MALL: variants seen among roughly 807,000 people sequenced by gnomAD.
MALL encodes MAL-like protein.
Under a neutral mutation model 10.3 loss-of-function variants are expected in MALL, and 2 were observed. The observed-to-expected ratio is 0.19, with a 90% confidence interval of 0.08 to 0.61. The LOEUF (loss-of-function observed/expected upper bound fraction) is 0.61, where lower values mean the gene tolerates loss of function less well. MALL is among the 20% of genes least tolerant of loss of function. The probability of loss-of-function intolerance (pLI) is 0.88; values close to 1 mark genes in which losing one functional copy is unlikely to be tolerated. For synonymous variants in MALL, 27 were observed against 51.8 expected (o/e 0.52, Z 2.05); for missense variants, 39 against 115.2 (o/e 0.34, Z 3.03).
intron 1 of MALL, among the ~76,000 whole-genome samples, chr2:110,098,992 C>A (rs1481662559): frequency 4.7e-5 from 7 of 148,296 alleles, no homozygotes; most frequent in Non-Finnish European, 4.5e-5. Context: ...GACCCTGTCT[C>A]AAAAAAAAAA....
intron 1 of MALL, among the ~76,000 whole-genome samples, chr2:110,096,278 T>C (rs1022080101): frequency 3.3e-5 from 5 of 152,272 alleles, no homozygotes; most frequent in African/African-American, 1.2e-4. Flanking sequence ...TCTCTGCTTC[T>C]ACTCTCACCT....
intron 1 of MALL, 101 bp downstream of exon 1, chr2:110,115,587 C>T: frequency 4.0e-6 from 2 of 505,656 alleles, no homozygotes; most frequent in Middle Eastern, 5.3e-4. Flanking sequence ...TCTCTCTTCT[C>T]GGTCCGGTCT....
At chr2:110,107,559 C>T (rs1678722309) in intron 1 of MALL, among the ~76,000 whole-genome samples, 2 of 152,150 alleles carry the variant, frequency 1.3e-5, no homozygotes, top group South Asian at 2.1e-4. Context: ...AGAGTCTGAG[C>T]TCATACATGC....
upstream of MALL, among the ~76,000 whole-genome samples, chr2:110,117,935 G>A (rs1346377404): frequency 6.6e-6 from 1 of 152,130 alleles, no homozygotes; most frequent in Non-Finnish European, 1.5e-5. Context: ...GTCTTTGTCT[G>A]CATCCTGTGT....
At chr2:110,109,202 T>A (rs902541361) in intron 1 of MALL, among the ~76,000 whole-genome samples, 1 of 152,164 alleles carries the variant, frequency 6.6e-6, no homozygotes, top group African/African-American at 2.4e-5. Flanking sequence ...GTACCTCACA[T>A]TCCAATACTA....
intron 1 of MALL, among the ~76,000 whole-genome samples, chr2:110,106,996 T>G (rs1196781021): frequency 6.6e-6 from 1 of 150,822 alleles, no homozygotes; most frequent in African/African-American, 2.4e-5. Context: ...TTCATGTATT[T>G]ATATAACTTT....
At chr2:110,111,696 A>G (rs1678805358) in intron 1 of MALL, among the ~76,000 whole-genome samples, 1 of 152,086 alleles carries the variant, frequency 6.6e-6, no homozygotes, top group African/African-American at 2.4e-5. Flanking sequence ...CCCCATCAGA[A>G]TACCACCATC....
At chr2:110,100,220 T>C (rs1350883098) in intron 1 of MALL, among the ~76,000 whole-genome samples, 1 of 152,134 alleles carries the variant, frequency 6.6e-6, no homozygotes, top group Non-Finnish European at 1.5e-5. Flanking sequence ...GGCTCACACC[T>C]GTAATCCCAG....
upstream of MALL, among the ~76,000 whole-genome samples, chr2:110,116,734 G>T (rs1033696575): frequency 5.3e-5 from 8 of 152,168 alleles, no homozygotes; most frequent in African/African-American, 1.9e-4. Context: ...AGTCCCAAAG[G>T]CTGAACCATT....
rs1678873255 is a variant in MALL, at chr2:110,114,757, C to A, written c.105+931G>T. Reference sequence around the variant, plus strand: ...AAAGTAGATGCACTTTCTATCTTTTCCCCCCTGCTCAGGGACAGCACTGCC... The same window carrying A: ...AAAGTAGATGCACTTTCTATCTTTTACCCCCTGCTCAGGGACAGCACTGCC... On this transcript the variant is annotated intron_variant, in intron 1 of 3. Coordinates refer to ENST00000272462, the MANE Select transcript of MALL (RefSeq NM_005434.5). Among the ~76,000 whole-genome samples, 3 of 151,518 alleles carry A rather than the reference C, an allele frequency of 2.0e-5. No individual in the cohort carries two copies. In the South Asian group the frequency reaches 6.3e-4, roughly 32 times the overall value.
intron 1 of MALL, among the ~76,000 whole-genome samples, chr2:110,109,415 T>C (rs762091481): frequency 1.3e-5 from 2 of 152,042 alleles, no homozygotes; most frequent in Non-Finnish European, 2.9e-5. Context: ...TTATATCAGA[T>C]AAAACAAACT....
intron 1 of MALL, among the ~76,000 whole-genome samples, chr2:110,108,857 A>G (rs926645431): frequency 2.0e-5 from 3 of 151,916 alleles, no homozygotes; most frequent in African/African-American, 7.3e-5. Flanking sequence ...CAGAAACCCT[A>G]CAACCTAGAA....
chr2:110,092,760 T>C (rs1294648544), intron 1 of MALL, among the ~76,000 whole-genome samples: 4 of 128,246 alleles, frequency 3.1e-5, no homozygotes, highest in Admixed American at 1.6e-4. Context: ...CTATTTTGAG[T>C]CATGAAGATA....
chr2:110,113,772 G>A (rs1678854516), intron 1 of MALL, among the ~76,000 whole-genome samples: 1 of 152,096 alleles, frequency 6.6e-6, no homozygotes, highest in Non-Finnish European at 1.5e-5. Flanking sequence ...GGTTTATAGA[G>A]TACTTGATAG....
At chr2:110,116,017 C>T, upstream of MALL, 1 of 387,710 alleles carries the variant, frequency 2.6e-6, no homozygotes, top group East Asian at 3.6e-5. Context: ...AGCGCTGGTG[C>T]AGGAGGGAGC....
At chr2:110,113,331 G>A (rs1406301792) in intron 1 of MALL, among the ~76,000 whole-genome samples, 4 of 150,972 alleles carry the variant, frequency 2.6e-5, no homozygotes, top group Admixed American at 2.0e-4. Flanking sequence ...CCAGCTACTC[G>A]GGAGGCTGAG....
intron 1 of MALL, among the ~76,000 whole-genome samples, chr2:110,111,686 C>G (rs1487744439): frequency 6.6e-6 from 1 of 151,894 alleles, no homozygotes; most frequent in Non-Finnish European, 1.5e-5. Context: ...TCAATGCAAT[C>G]CCCATCAGAA....
chr2:110,113,412 T>C (rs903449478), intron 1 of MALL, among the ~76,000 whole-genome samples: 3 of 123,748 alleles, frequency 2.4e-5, no homozygotes, highest in African/African-American at 9.6e-5. Flanking sequence ...CACTCCAGCC[T>C]GGACGACAGC....
chr2:110,100,221 G>T (rs943364949), intron 1 of MALL, among the ~76,000 whole-genome samples: 18 of 152,130 alleles, frequency 1.2e-4, no homozygotes, highest in African/African-American at 4.3e-4. Flanking sequence ...GCTCACACCT[G>T]TAATCCCAGC....
Sources: gnomAD v4.1 joint callset for allele counts (sites outside exome capture counted in the v4.1 genomes callset) on GRCh38, gnomAD v4.1.1 for gene constraint, MANE v1.5 for transcripts, NCBI Gene and HGNC (gene_info 2026-07-23, HGNC 2026-07-21) for gene names.